PTPRT: variants seen among roughly 807,000 people sequenced by gnomAD.
PTPRT encodes the protein receptor-type tyrosine-protein phosphatase T.
In PTPRT, 56 loss-of-function variants were observed where a neutral mutation model predicts 176.8. The observed-to-expected ratio is 0.32, with a 90% CI of 0.26 to 0.40. The LOEUF is 0.40. PTPRT is among the 10% of genes least tolerant of loss of function. PTPRT has a pLI of 1.00. For synonymous variants in PTPRT, 783 were observed against 739.0 expected (o/e 1.06, Z -0.96); for missense variants, 1,540 against 1,908.2 (o/e 0.81, Z 3.60).
At chr20:42,164,866 T>C (rs1989760162) in intron 16 of PTPRT, among the ~76,000 whole-genome samples, 1 of 152,172 alleles carries the variant, frequency 6.6e-6, no homozygotes, top group African/African-American at 2.4e-5. Context: ...GGACAGAGGA[T>C]TTTTCATTTT....
intron 1 of PTPRT, among the ~76,000 whole-genome samples, chr20:43,030,440 T>C (rs1022121087): frequency 1.3e-5 from 2 of 151,372 alleles, no homozygotes; most frequent in African/African-American, 4.9e-5. Flanking sequence ...ATCAGGGGTT[T>C]GGTTGGCAAG....
At chr20:42,284,288 T>A (rs964864298) in intron 12 of PTPRT, among the ~76,000 whole-genome samples, 3 of 151,902 alleles carry the variant, frequency 2.0e-5, no homozygotes, top group African/African-American at 7.2e-5. Context: ...TTTATCCGTC[T>A]CCCCCAACCA....
intron 7 of PTPRT, among the ~76,000 whole-genome samples, chr20:42,578,457 T>C (rs758851851): frequency 2.0e-5 from 3 of 152,136 alleles, no homozygotes; most frequent in Admixed American, 6.5e-5. Flanking sequence ...TCTCATGTTG[T>C]CTAATAGATA....
chr20:43,128,093 G>A (rs565755765), intron 1 of PTPRT, among the ~76,000 whole-genome samples: 1 of 152,142 alleles, frequency 6.6e-6, no homozygotes, highest in African/African-American at 2.4e-5. Flanking sequence ...GCATGGGAAG[G>A]CAGGGTTAGT....
intron 2 of PTPRT, among the ~76,000 whole-genome samples, chr20:42,812,295 C>T (rs992677801): frequency 6.6e-6 from 1 of 152,082 alleles, no homozygotes; most frequent in Non-Finnish European, 1.5e-5. Flanking sequence ...GCATTAATTA[C>T]TCTCACAATA....
chr20:42,343,614 C>T (rs1015919106), intron 11 of PTPRT, among the ~76,000 whole-genome samples: 3 of 152,200 alleles, frequency 2.0e-5, no homozygotes, highest in Non-Finnish European at 4.4e-5. Context: ...GAAAGGTGCT[C>T]ATATCTGACC....
chr20:42,553,750 C>A (rs2072811434), intron 7 of PTPRT, among the ~76,000 whole-genome samples: 1 of 152,026 alleles, frequency 6.6e-6, no homozygotes, highest in Non-Finnish European at 1.5e-5. Flanking sequence ...TAGAGTTTAT[C>A]CAGTCACGGG....
At chr20:42,311,158 G>T (rs868777649) in intron 12 of PTPRT, among the ~76,000 whole-genome samples, 2 of 152,134 alleles carry the variant, frequency 1.3e-5, no homozygotes, top group Non-Finnish European at 1.5e-5. Context: ...CCACTAGAAT[G>T]AAAACACGAT....
chr20:42,345,203 A>C (rs1230610154), intron 11 of PTPRT, among the ~76,000 whole-genome samples: 1 of 152,038 alleles, frequency 6.6e-6, no homozygotes, highest in Admixed American at 6.6e-5. Context: ...AAAATTTTAA[A>C]CATCAGTTTC....
At position 42,885,865 on chromosome 20, in the gene PTPRT, G is replaced by A; in HGVS notation, c.156C>T (p.Phe52=). The change falls in exon 2 of 31, where the codon TTC becomes TTT. Residue 52 remains phenylalanine (F), a synonymous_variant. Coordinates refer to ENST00000373187, the MANE Select transcript of PTPRT (RefSeq NM_007050.6). ...GYSVALGTNG[F]TWEQINTWEK... is the part of the protein sequence containing the mutation. ...CCCATGTGTTAATCTGCTCCCAGGT[G>A]AACCCATTGGTCCCTAGAGCCACAC... 1 of 1,611,002 alleles carries A rather than the reference G, an allele frequency of 6.2e-7. No homozygotes were observed. The highest frequency in any genetic ancestry group is 8.5e-7 in the Non-Finnish European group (1 of 1,178,044).
At chr20:42,497,761 C>T (rs2071681089) in intron 7 of PTPRT, among the ~76,000 whole-genome samples, 1 of 152,084 alleles carries the variant, frequency 6.6e-6, no homozygotes, top group Admixed American at 6.6e-5. Flanking sequence ...TTATAGAAAT[C>T]CTGCAACCAC....
chr20:42,732,473 C>T (rs8119626), intron 6 of PTPRT, among the ~76,000 whole-genome samples: 6,155 of 152,148 alleles, frequency 0.04, 359 homozygotes, highest in African/African-American at 0.13. Flanking sequence ...TTTGGCAGAG[C>T]CAAGAAGGAA....
intron 7 of PTPRT, among the ~76,000 whole-genome samples, chr20:42,638,647 A>T (rs577121750): frequency 6.6e-6 from 1 of 152,286 alleles, no homozygotes; most frequent in Non-Finnish European, 1.5e-5. Flanking sequence ...CAAGTAAATC[A>T]AATACATACT....
rs779087395 is a variant in PTPRT at position 43,083,320 on chromosome 20, GTATATATATATATATATATA to G, written c.88+106306_88+106325del. On this transcript the variant is annotated intron_variant, in intron 1 of 30. Coordinates refer to ENST00000373187, the MANE Select transcript of PTPRT (RefSeq NM_007050.6). ...ACCATAAGATTCACCCACTTCAAAT[GTATATATATATATATATATA>G]TATATATATATATATATATATATAT... 5.1e-3 allele frequency among the ~76,000 whole-genome samples: 191 copies of G among 37,390 alleles called. 7 individuals carry two copies. The highest frequency in any genetic ancestry group is 6.7e-3 in the Admixed American group (20 of 3,002). The allele number at this position is 37,390 out of a possible 152,430, so 24.5% of individuals were successfully genotyped here. A position where few individuals can be genotyped will look rare whatever the true frequency, so the allele number is the denominator to read the frequency against.
chr20:42,629,395 A>G (rs557914648), intron 7 of PTPRT, among the ~76,000 whole-genome samples: 5 of 152,298 alleles, frequency 3.3e-5, no homozygotes, highest in Non-Finnish European at 5.9e-5. Flanking sequence ...ACCGCAAAGT[A>G]TCTTGTGCAA....
At chr20:42,753,730 A>T (rs1010642069) in intron 6 of PTPRT, among the ~76,000 whole-genome samples, 3 of 152,176 alleles carry the variant, frequency 2.0e-5, no homozygotes, top group Non-Finnish European at 4.4e-5. Flanking sequence ...CAGAGGACAA[A>T]TCAGTGTCCC....
At chr20:42,847,636 T>G (rs913860132) in intron 2 of PTPRT, among the ~76,000 whole-genome samples, 2 of 152,168 alleles carry the variant, frequency 1.3e-5, no homozygotes, top group Non-Finnish European at 2.9e-5. Context: ...TAGAGTCACA[T>G]GCCACAGCCA....
intron 1 of PTPRT, among the ~76,000 whole-genome samples, chr20:43,103,807 G>A (rs1431858162): frequency 6.7e-6 from 1 of 149,698 alleles, no homozygotes; most frequent in African/African-American, 2.5e-5. Flanking sequence ...TAGTAATAAT[G>A]AAAAAAATCT....
chr20:42,688,259 T>C (rs1275409160), intron 6 of PTPRT: 3 of 152,182 alleles, frequency 2.0e-5, no homozygotes, highest in Non-Finnish European at 2.9e-5. Context: ...TCTTTTCTGG[T>C]CTTTGTAGCA....
Sources: gnomAD v4.1 joint callset for allele counts (sites outside exome capture counted in the v4.1 genomes callset) on GRCh38, gnomAD v4.1.1 for gene constraint, MANE v1.5 for transcripts, NCBI Gene and HGNC (gene_info 2026-07-23, HGNC 2026-07-21) for gene names.